The following TENM2 variants were observed in gnomAD, a reference collection of about 807,000 sequenced individuals.
TENM2 encodes the protein teneurin-2.
Under a neutral mutation model 245.2 loss-of-function variants are expected in TENM2, and 52 were observed. The observed-to-expected ratio is 0.21, with a 90% CI of 0.17 to 0.27. TENM2 has a LOEUF of 0.27. Among genes scored for constraint, TENM2 ranks in the 10% least tolerant of loss-of-function variants. TENM2 has a pLI of 1.00. For synonymous variants in TENM2, 1,363 were observed against 1,438.9 expected, an observed-to-expected ratio of 0.95 and a Z score of 1.19; for missense variants, 3,046 against 3,666.8, an observed-to-expected ratio of 0.83 and a Z score of 4.37.
chr5:168,025,065 T>C lies in TENM2; in HGVS notation c.1187-22362T>C, dbSNP rs112618373. Among the ~76,000 whole-genome samples, 956 of 152,346 alleles carry C rather than the reference T, an allele frequency of 6.3e-3. 16 individuals carry two copies. The highest frequency in any genetic ancestry group is 0.022 in the African/African-American group (908 of 41,584). On this transcript the variant is annotated intron_variant, in intron 5 of 28. Coordinates refer to ENST00000518659, the Ensembl canonical transcript of TENM2. ...ATACAAAAGTAACTTCTCTATGATT[T>C]AAGTTTCAAAATGCAGTACACACAT...
intron 2 of TENM2, among the ~76,000 whole-genome samples, chr5:167,543,202 C>G (rs1360877246): frequency 6.6e-6 from 1 of 152,174 alleles, no homozygotes; most frequent in Admixed American, 6.5e-5. Context: ...TATCATCCTG[C>G]AAGCTAGGCT....
chr5:167,599,947 A>G (rs1013871669), intron 2 of TENM2, among the ~76,000 whole-genome samples: 6 of 151,786 alleles, frequency 4.0e-5, no homozygotes, highest in African/African-American at 1.5e-4. Context: ...GGAGTTCAAG[A>G]CCAGTCTGGC....
chr5:167,618,166 G>C (rs1401123638), intron 2 of TENM2, among the ~76,000 whole-genome samples: 1 of 152,134 alleles, frequency 6.6e-6, no homozygotes, highest in East Asian at 1.9e-4. Context: ...CGAGTGATTA[G>C]TATTCTAAGC....
chr5:168,246,842 G>A (rs1176431472), exon 27 of TENM2: 1 of 1,613,806 alleles, frequency 6.2e-7, no homozygotes. Context: ...ACCATGCCCA[G>A]CGTGGCCCGG....
chr5:167,805,334 T>C (rs1766080881), intron 2 of TENM2, among the ~76,000 whole-genome samples: 1 of 152,158 alleles, frequency 6.6e-6, no homozygotes, highest in Non-Finnish European at 1.5e-5. Context: ...AGGTATTGGC[T>C]CTCCTGAGAA....
chr5:168,104,003 G>GGTTTGTTTGTTT (rs61381928), intron 9 of TENM2, among the ~76,000 whole-genome samples: 47 of 150,000 alleles, frequency 3.1e-4, no homozygotes, highest in East Asian at 8.1e-4. Flanking sequence ...TTTCTTTTCT[G>GGTTTGTTTGTTT]GTTTGTTTGT....
At chr5:167,163,283 G>A in the TENM2 span, among the ~76,000 whole-genome samples, 1 of 152,036 alleles carries the variant, frequency 6.6e-6, no homozygotes, top group African/African-American at 2.4e-5. Context: ...GTGGTGACAG[G>A]GTCTTGTGAT....
At chr5:168,093,150 C>G (rs1245495505) in intron 8 of TENM2, among the ~76,000 whole-genome samples, 2 of 152,204 alleles carry the variant, frequency 1.3e-5, no homozygotes, top group African/African-American at 4.8e-5. Context: ...TCCCTCTAAA[C>G]TTAGCACCTT....
chr5:167,106,646 A>G, the TENM2 span, among the ~76,000 whole-genome samples: 240 of 152,278 alleles, frequency 1.6e-3, 3 homozygotes, highest in African/African-American at 4.9e-3. Context: ...GGTGGTGTGA[A>G]ATGCACTGGA....
intron 2 of TENM2, among the ~76,000 whole-genome samples, chr5:167,395,579 A>G (rs1188723436): frequency 6.6e-6 from 1 of 152,106 alleles, no homozygotes; most frequent in Non-Finnish European, 1.5e-5. Flanking sequence ...CGTGTCCTTG[A>G]TCTTAGAAGG....
rs374426150 is a variant in TENM2 at position 167,658,377 on chromosome 5, T to A, written c.503-217609T>A. 2.3e-4 allele frequency among the ~76,000 whole-genome samples: 35 copies of A among 152,060 alleles called. No homozygotes were observed. In the East Asian group the frequency reaches 5.0e-3, roughly 22 times the overall value. On this transcript the variant is annotated intron_variant, in intron 2 of 28. Transcript: ENST00000518659. ...GCATGTGCCACCGTGCCCAGCTAATTTTGTATTTTTAGTAGAGATGGGGTT... is the reference window on the plus strand; with the variant it reads ...GCATGTGCCACCGTGCCCAGCTAATATTGTATTTTTAGTAGAGATGGGGTT...
At chr5:167,221,912 G>A in the TENM2 span, among the ~76,000 whole-genome samples, 1 of 152,176 alleles carries the variant, frequency 6.6e-6, no homozygotes, top group Non-Finnish European at 1.5e-5. Context: ...GGTGACCATT[G>A]CCTATAGACT....
At chr5:167,514,148 T>A (rs1770153798) in intron 2 of TENM2, among the ~76,000 whole-genome samples, 3 of 152,176 alleles carry the variant, frequency 2.0e-5, no homozygotes, top group Admixed American at 2.0e-4. Context: ...AATCGCAATA[T>A]TCCCTTTTGT....
At chr5:167,616,299 TAA>T (rs1777784685) in intron 2 of TENM2, among the ~76,000 whole-genome samples, 1 of 152,088 alleles carries the variant, frequency 6.6e-6, no homozygotes, top group Non-Finnish European at 1.5e-5. Flanking sequence ...TAACAGGAAA[TAA>T]GAGCAGTTAT....
chr5:167,163,996 T>C, the TENM2 span, among the ~76,000 whole-genome samples: 238 of 152,262 alleles, frequency 1.6e-3, no homozygotes, highest in African/African-American at 5.5e-3. Flanking sequence ...CAATTGCACA[T>C]CCACTGCCCT....
the TENM2 span, among the ~76,000 whole-genome samples, chr5:167,250,014 G>C: frequency 6.6e-6 from 1 of 152,144 alleles, no homozygotes; most frequent in Non-Finnish European, 1.5e-5. Context: ...TGATGTTTCT[G>C]TGCCCAAACA....
chr5:167,156,262 A>G, the TENM2 span, among the ~76,000 whole-genome samples: 3 of 152,146 alleles, frequency 2.0e-5, no homozygotes, highest in Non-Finnish European at 4.4e-5. Context: ...TATATGTAAG[A>G]TAAGTTTCAG....
chr5:167,514,537 A>G (rs1043632819), intron 2 of TENM2, among the ~76,000 whole-genome samples: 1 of 152,228 alleles, frequency 6.6e-6, no homozygotes, highest in Non-Finnish European at 1.5e-5. Context: ...AATGATGCCC[A>G]TTGCCATTAA....
chr5:168,240,659 A>T (rs952670704), intron 25 of TENM2, among the ~76,000 whole-genome samples: 1 of 152,054 alleles, frequency 6.6e-6, no homozygotes, highest in African/African-American at 2.4e-5. Flanking sequence ...GCCTGGCATT[A>T]GCTGACACTC....
Sources: gnomAD v4.1 joint callset for allele counts (sites outside exome capture counted in the v4.1 genomes callset) on GRCh38, gnomAD v4.1.1 for gene constraint, MANE v1.5 for transcripts, NCBI Gene and HGNC (gene_info 2026-07-23, HGNC 2026-07-21) for gene names.